The following TSPEAR variants were observed in gnomAD, a reference collection of about 807,000 sequenced individuals.
TSPEAR encodes thrombospondin type laminin G domain and EAR repeats, also known as thrombospondin-type laminin G domain and EAR repeat-containing protein.
TSPEAR carries 69 observed loss-of-function variants against 71.6 expected under a neutral mutation model. The ratio of observed to expected loss-of-function variants is 0.96; its 90% CI spans 0.79 to 1.18. TSPEAR has a LOEUF of 1.18. Among genes scored for constraint, TSPEAR ranks in the 50% most tolerant of loss-of-function variants. The probability of loss-of-function intolerance (pLI) is 0.00; values close to 1 mark genes in which losing one functional copy is unlikely to be tolerated. For synonymous variants in TSPEAR, 402 were observed against 387.2 expected, an observed-to-expected ratio of 1.04 and a Z score of -0.45; for missense variants, 971 against 894.9, an observed-to-expected ratio of 1.09 and a Z score of -1.09.
chr21:44,681,072 G>A lies in TSPEAR; in HGVS notation c.82+30361C>T, dbSNP rs141900630. ...ATGAATATCCTGATTTCATCATTACGTATCCTCTGTGTGTAAAGTATTTCA... is the reference window on the plus strand; with the variant it reads ...ATGAATATCCTGATTTCATCATTACATATCCTCTGTGTGTAAAGTATTTCA... On this transcript the variant is annotated intron_variant, in intron 1 of 11. Coordinates refer to ENST00000323084, the MANE Select transcript of TSPEAR (RefSeq NM_144991.3). 3.1e-4 allele frequency among the ~76,000 whole-genome samples: 47 copies of A among 152,308 alleles called. 2 individuals are homozygous for A. The highest frequency in any genetic ancestry group is 1.0e-3 in the African/African-American group (42 of 41,550).
intron 1 of TSPEAR, among the ~76,000 whole-genome samples, chr21:44,694,135 G>T (rs1987231410): frequency 6.6e-6 from 1 of 152,194 alleles, no homozygotes; most frequent in African/African-American, 2.4e-5. Flanking sequence ...CAATGGAGAA[G>T]GAATCATCTC....
At chr21:44,664,412 A>G (rs1444717765) in intron 1 of TSPEAR, among the ~76,000 whole-genome samples, 1 of 152,216 alleles carries the variant, frequency 6.6e-6, no homozygotes, top group Non-Finnish European at 1.5e-5. Context: ...ACTACAAAAT[A>G]TTGATGAGAA....
chr21:44,681,212 C>G (rs1170264469), intron 1 of TSPEAR, among the ~76,000 whole-genome samples: 7 of 152,206 alleles, frequency 4.6e-5, no homozygotes, highest in Non-Finnish European at 1.0e-4. Context: ...ACCTGAGATC[C>G]TCCGCGACCC....
rs587650823 is a variant in TSPEAR at position 44,676,882 on chromosome 21, G to C, written c.82+34551C>G. 7.9e-6 allele frequency: 7 copies of C among 888,380 alleles called. 1 individual carries two copies. The South Asian group carries it at 9.1e-5, about 12-fold the overall frequency. 55.0% of individuals were successfully genotyped at this position (888,380 alleles called of 1,614,324 possible). ...CTGCTTTTCTGTGGCCTTCTGTTCTGCTAGCTCTCTGTTCAGCTGATCGAT... is the reference window on the plus strand; with the variant it reads ...CTGCTTTTCTGTGGCCTTCTGTTCTCCTAGCTCTCTGTTCAGCTGATCGAT... On this transcript the variant is annotated intron_variant, in intron 1 of 11. Coordinates refer to ENST00000323084, the MANE Select transcript of TSPEAR (RefSeq NM_144991.3).
At chr21:44,682,114 T>C (rs782714157) in intron 1 of TSPEAR, 2 of 1,613,644 alleles carry the variant, frequency 1.2e-6, no homozygotes, top group South Asian at 2.2e-5. Flanking sequence ...GAGCAGCTGG[T>C]GTGGCACATG....
chr21:44,696,701 T>C (rs1462793445), intron 1 of TSPEAR, among the ~76,000 whole-genome samples: 1 of 152,192 alleles, frequency 6.6e-6, no homozygotes, highest in Non-Finnish European at 1.5e-5. Flanking sequence ...GGGGAAATAA[T>C]AGTAAGCAAT....
intron 1 of TSPEAR, among the ~76,000 whole-genome samples, chr21:44,673,072 T>C (rs1459613376): frequency 6.6e-6 from 1 of 151,996 alleles, no homozygotes; most frequent in Non-Finnish European, 1.5e-5. Flanking sequence ...TAGATACAAT[T>C]CAAAAAGATC....
intron 11 of TSPEAR, among the ~76,000 whole-genome samples, chr21:44,504,074 G>A (rs1432319944): frequency 2.0e-5 from 3 of 150,276 alleles, no homozygotes; most frequent in Non-Finnish European, 4.4e-5. Context: ...GCCCTTGGGG[G>A]GAAGCTGGCC....
chr21:44,709,660 A>C (rs1555953205), intron 1 of TSPEAR, among the ~76,000 whole-genome samples: 1 of 152,226 alleles, frequency 6.6e-6, no homozygotes, highest in African/African-American at 2.4e-5. Context: ...CAGGATGAGA[A>C]AGCTGAGACG....
intron 1 of TSPEAR, among the ~76,000 whole-genome samples, chr21:44,672,718 G>T (rs1431063741): frequency 6.6e-6 from 1 of 152,154 alleles, no homozygotes; most frequent in Non-Finnish European, 1.5e-5. Flanking sequence ...GTGTTGAATT[G>T]TTATCCTCAA....
At chr21:44,652,164 T>C (rs1410513908) in intron 1 of TSPEAR, among the ~76,000 whole-genome samples, 1 of 152,130 alleles carries the variant, frequency 6.6e-6, no homozygotes, top group Non-Finnish European at 1.5e-5. Flanking sequence ...TTTGTATTTT[T>C]AGTAGAGACG....
chr21:44,684,684 G>T (rs1487426812), intron 1 of TSPEAR, among the ~76,000 whole-genome samples: 1 of 152,244 alleles, frequency 6.6e-6, no homozygotes, highest in Admixed American at 6.5e-5. Flanking sequence ...TGACCTGCAG[G>T]AAGGAGTAAG....
rs1569152421 is a variant in TSPEAR, at chr21:44,509,554, TGAGCGGGCGCAGAGGTGTGGGA to T, written c.1567-190_1567-169del. On this transcript the variant is annotated intron_variant, in intron 9 of 11. Coordinates refer to ENST00000323084, the MANE Select transcript of TSPEAR (RefSeq NM_144991.3). Reference sequence around the variant, plus strand: ...GGGTGAGCGGGCGCAGAGGTGTGGGTGAGCGGGCGCAGAGGTGTGGGAGAGCGGGCGCAGAGGTGTGAGTGAG... The same window carrying T: ...GGGTGAGCGGGCGCAGAGGTGTGGGTGAGCGGGCGCAGAGGTGTGAGTGAG... 3.4e-4 allele frequency: 156 copies of T among 459,396 alleles called. 2 individuals carry two copies. The highest frequency in any genetic ancestry group is 3.3e-3 in the East Asian group (92 of 28,242). 28.5% of individuals were successfully genotyped at this position (459,396 alleles called of 1,614,324 possible).
chr21:44,676,313 T>C (rs998667273), intron 1 of TSPEAR: 38 of 1,206,954 alleles, frequency 3.1e-5, no homozygotes, highest in Non-Finnish European at 4.3e-5. Context: ...GCTAAAGCTT[T>C]AGTAAATTCA....
At chr21:44,638,841 C>T (rs448200) in intron 1 of TSPEAR, among the ~76,000 whole-genome samples, 1 of 151,702 alleles carries the variant, frequency 6.6e-6, no homozygotes, top group African/African-American at 2.4e-5. Flanking sequence ...GCCCCCCAGG[C>T]CTGGGGTAGA....
intron 1 of TSPEAR, among the ~76,000 whole-genome samples, chr21:44,675,666 A>G (rs1986276841): frequency 6.6e-6 from 1 of 152,216 alleles, no homozygotes; most frequent in Non-Finnish European, 1.5e-5. Context: ...ATGTTACACG[A>G]GTTGCAAAGA....
chr21:44,597,695 G>A (rs1384608017), intron 1 of TSPEAR, among the ~76,000 whole-genome samples: 1 of 152,114 alleles, frequency 6.6e-6, no homozygotes, highest in Non-Finnish European at 1.5e-5. Context: ...GCCTCCCACA[G>A]TGCTGGGATT....
intron 1 of TSPEAR, among the ~76,000 whole-genome samples, chr21:44,625,655 C>T (rs587710962): frequency 1.3e-5 from 2 of 152,354 alleles, no homozygotes; most frequent in African/African-American, 4.8e-5. Context: ...GCGGCATGGC[C>T]TCTCTTTCCT....
intron 2 of TSPEAR, among the ~76,000 whole-genome samples, chr21:44,545,146 C>T (rs951099028): frequency 7.2e-5 from 11 of 151,892 alleles, no homozygotes; most frequent in East Asian, 1.9e-4. Context: ...GGTGAAACCC[C>T]GTCTCTACTA....
Sources: gnomAD v4.1 joint callset for allele counts (sites outside exome capture counted in the v4.1 genomes callset) on GRCh38, gnomAD v4.1.1 for gene constraint, MANE v1.5 for transcripts, NCBI Gene and HGNC (gene_info 2026-07-23, HGNC 2026-07-21) for gene names.